Variants in LAMB4 observed in about 807,000 individuals in gnomAD.
LAMB4 encodes the protein laminin subunit beta-4.
Under a neutral mutation model 199.2 loss-of-function variants are expected in LAMB4, and 196 were observed. The observed-to-expected ratio is 0.98, with a 90% CI of 0.88 to 1.11. The LOEUF (loss-of-function observed/expected upper bound fraction) is 1.11. LAMB4 is among the 50% of genes least tolerant of loss of function. LAMB4 has a pLI of 0.00. For synonymous variants in LAMB4, 744 were observed against 770.6 expected (o/e 0.97, Z 0.57); for missense variants, 2,080 against 2,171.2 (o/e 0.96, Z 0.83).
rs766265276 is a variant in LAMB4 at position 108,030,916 on chromosome 7, C to T, written c.4882G>A (p.Glu1628Lys). Residue 1628 changes from glutamate (E) to lysine (K), a missense_variant, in exon 32 of 34, where the codon GAG (glutamate) becomes AAG (lysine). Glu to Lys is a moderately conservative substitution (Grantham distance 56). Transcript: ENST00000388781. Reference protein sequence around the residue: ...LELAKQRSGLEDGLSLLQTKL... With the variant: ...LELAKQRSGLKDGLSLLQTKL... ...GTCTGCAGCAGGGAAAGTCCATCCT[C>T]CAGCCCTGATCGCTGCTTTGCTAAC... 6.2e-7 allele frequency: 1 copy of T among 1,614,084 alleles called. No homozygotes were observed. Among genetic ancestry groups the T allele is most frequent in the South Asian group, 1.1e-5 (1 of 91,070 alleles).
chr7:108,109,890 A>G lies in LAMB4; in HGVS notation c.329-646T>C, dbSNP rs1025108132. ...TCTCTCTAGAGCAGCACTGTCCAAC[A>G]GAAATAAAATATGAGACATGTGTGT... On this transcript the variant is annotated intron_variant, in intron 4 of 33. Coordinates refer to ENST00000388781, the MANE Select transcript of LAMB4 (RefSeq NM_007356.3). Among the ~76,000 whole-genome samples, 14 of 152,340 alleles carry G rather than the reference A, an allele frequency of 9.2e-5. No homozygotes were observed. The South Asian group carries it at 1.0e-3, about 11-fold the overall frequency.
chr7:108,064,548 T>C (rs1391108015), intron 21 of LAMB4, among the ~76,000 whole-genome samples: 3 of 152,188 alleles, frequency 2.0e-5, no homozygotes, highest in African/African-American at 7.2e-5. Context: ...CTTGCAACCA[T>C]GAGATGACTG....
At position 108,023,697 on chromosome 7, in the gene LAMB4, G is replaced by T. The variant is rs545957892; in HGVS notation, c.*342C>A. 1 of 164,906 alleles carries T rather than the reference G, an allele frequency of 6.1e-6. No homozygotes were observed. The highest frequency in any genetic ancestry group is 2.4e-5 in the African/African-American group (1 of 42,066). 10.2% of individuals were successfully genotyped at this position (164,906 alleles called of 1,614,324 possible). ...TTGGAGATATTTATTTAATGTTTAG[G>T]TTTATCTGACTGAAATGATTATTAG... On this transcript the variant is annotated 3_prime_UTR_variant, in exon 34 of 34. Coordinates refer to ENST00000388781, the MANE Select transcript of LAMB4 (RefSeq NM_007356.3).
chr7:108,079,838 G>C, intron 14 of LAMB4, 52 bp from the exon 15 acceptor site: 1 of 1,421,372 alleles, frequency 7.0e-7, no homozygotes, highest in Non-Finnish European at 9.4e-7. Context: ...AGGCCTGAAA[G>C]AGTTCAAGAA....
At position 108,076,343 on chromosome 7, in the gene LAMB4, G is replaced by T. The variant is rs192163762; in HGVS notation, c.2124+601C>A. ...CCATTGCCCCACTCTGTGGGGGAAA[G>T]ATGTTGGAAGAAGTCACTCAGGAAA... On this transcript the variant is annotated intron_variant, in intron 17 of 33. Coordinates refer to ENST00000388781, the MANE Select transcript of LAMB4 (RefSeq NM_007356.3). 1.5e-3 allele frequency among the ~76,000 whole-genome samples: 230 copies of T among 152,256 alleles called. 1 individual carries two copies. Among genetic ancestry groups the T allele is most frequent in the South Asian group, 0.014 (67 of 4,822 alleles).
chr7:108,119,618 G>A (rs1047320540), intron 2 of LAMB4, among the ~76,000 whole-genome samples: 1 of 152,150 alleles, frequency 6.6e-6, no homozygotes, highest in African/African-American at 2.4e-5. Flanking sequence ...AGGCAGAGGG[G>A]GAGGGAGGTG....
chr7:108,072,479 G>A (rs1367866786), intron 17 of LAMB4, among the ~76,000 whole-genome samples: 1 of 152,246 alleles, frequency 6.6e-6, no homozygotes, highest in Non-Finnish European at 1.5e-5. Context: ...TTCATTTCAG[G>A]ATGGTAAGGA....
intron 30 of LAMB4, among the ~76,000 whole-genome samples, chr7:108,036,703 TA>T (rs1266200515): frequency 6.6e-6 from 1 of 151,982 alleles, no homozygotes; most frequent in Non-Finnish European, 1.5e-5. Context: ...CCCATGCTCA[TA>T]AAAACATCAA....
intron 16 of LAMB4, 42 bp downstream of exon 16, chr7:108,078,159 T>A (rs750670341): frequency 7.5e-7 from 1 of 1,324,700 alleles, no homozygotes; most frequent in Non-Finnish European, 1.1e-6. Flanking sequence ...TGAACAAAAT[T>A]CTAAGAAGCT....
chr7:108,127,789 G>C (rs1241940647), intron 1 of LAMB4, among the ~76,000 whole-genome samples: 2 of 152,322 alleles, frequency 1.3e-5, no homozygotes, highest in East Asian at 1.9e-4. Flanking sequence ...AAGACTGATG[G>C]CTCCTCAGTA....
At chr7:108,118,761 A>C (rs961604718) in intron 2 of LAMB4, among the ~76,000 whole-genome samples, 11 of 152,076 alleles carry the variant, frequency 7.2e-5, no homozygotes, top group Non-Finnish European at 1.3e-4. Context: ...CAAAAAAAAA[A>C]CCATGATCCA....
the LAMB4 span, among the ~76,000 whole-genome samples, chr7:108,012,413 T>C: frequency 2.0e-5 from 3 of 152,212 alleles, no homozygotes; most frequent in Non-Finnish European, 4.4e-5. Context: ...AATGTATTTG[T>C]CTATAACTGG....
downstream of LAMB4, among the ~76,000 whole-genome samples, chr7:108,022,163 T>C (rs1214118937): frequency 1.3e-5 from 2 of 152,244 alleles, no homozygotes; most frequent in African/African-American, 4.8e-5. Context: ...CCATTTCTTT[T>C]TGTATGCTGT....
At chr7:108,077,191 G>T in intron 16 of LAMB4, 127 bp from the exon 17 acceptor site, 1 of 902,830 alleles carries the variant, frequency 1.1e-6, no homozygotes, top group Non-Finnish European at 1.7e-6. Flanking sequence ...GCTGAGGCCA[G>T]TGTAGGTCTA....
chr7:108,032,449 A>T (rs987357803), intron 31 of LAMB4, among the ~76,000 whole-genome samples: 1 of 151,758 alleles, frequency 6.6e-6, no homozygotes, highest in African/African-American at 2.4e-5. Context: ...CGTCTGGGGG[A>T]AATTCTTGAT....
intron 28 of LAMB4, among the ~76,000 whole-genome samples, chr7:108,047,439 G>GGT (rs2035666612): frequency 6.6e-6 from 1 of 151,888 alleles, no homozygotes; most frequent in African/African-American, 2.4e-5. Flanking sequence ...TGAATAGTAA[G>GGT]TATATTTTCT....
intron 21 of LAMB4, among the ~76,000 whole-genome samples, chr7:108,065,332 T>G (rs187037897): frequency 3.3e-4 from 51 of 152,264 alleles, no homozygotes; most frequent in Admixed American, 9.8e-4. Context: ...TGAAAAAAAT[T>G]AGTAATGTCT....
At chr7:108,048,613 T>C (rs1280003521) in intron 27 of LAMB4, among the ~76,000 whole-genome samples, 1 of 152,264 alleles carries the variant, frequency 6.6e-6, no homozygotes, top group Non-Finnish European at 1.5e-5. Context: ...ATTGTGTCAG[T>C]CTGTCATCCT....
intron 14 of LAMB4, among the ~76,000 whole-genome samples, chr7:108,083,686 G>C (rs1366297822): frequency 6.6e-6 from 1 of 152,210 alleles, no homozygotes; most frequent in African/African-American, 2.4e-5. Context: ...TCTTTGGGAA[G>C]TTATGTACTC....
Sources: gnomAD v4.1 joint callset for allele counts (sites outside exome capture counted in the v4.1 genomes callset) on GRCh38, gnomAD v4.1.1 for gene constraint, MANE v1.5 for transcripts, NCBI Gene and HGNC (gene_info 2026-07-23, HGNC 2026-07-21) for gene names.